Variants in GTPBP1 observed in about 807,000 individuals in gnomAD.
The protein encoded by GTPBP1 is GTP binding protein 1, also known as GTP-binding protein 1.
In GTPBP1, 23 loss-of-function variants were observed where a neutral mutation model predicts 62.0. That is an observed-to-expected ratio of 0.37 (90% confidence interval 0.27 to 0.53). The LOEUF (loss-of-function observed/expected upper bound fraction) is 0.53. Ranked by LOEUF, GTPBP1 falls within the 20% of genes least tolerant of loss-of-function variation. The pLI is 0.89. For synonymous variants in GTPBP1, 344 were observed against 364.4 expected (o/e 0.94, Z 0.64); for missense variants, 640 against 917.3 (o/e 0.70, Z 3.90).
At chr22:38,712,584 C>T (rs2092646026) in intron 2 of GTPBP1, among the ~76,000 whole-genome samples, 1 of 152,152 alleles carries the variant, frequency 6.6e-6, no homozygotes, top group Admixed American at 6.5e-5. Context: ...TCTGGCATGG[C>T]TGAGTATGTG....
downstream of GTPBP1, chr22:38,736,593 TTCA>T (rs200776270): frequency 3.6e-4 from 153 of 424,706 alleles, no homozygotes; most frequent in African/African-American, 2.8e-3. Context: ...TGTAGCACAC[TTCA>T]TCTGAAACCG....
At chr22:38,739,197 T>G, downstream of GTPBP1, 1 of 1,003,044 alleles carries the variant, frequency 1.0e-6, no homozygotes, top group East Asian at 2.6e-5. This position sits in a 1 kb window ranked among gnomAD's most constrained non-coding sequence, Gnocchi z 6.7. Flanking sequence ...AATTGCCACT[T>G]GCCTTTGTCA....
downstream of GTPBP1, among the ~76,000 whole-genome samples, chr22:38,737,532 C>T (rs1432018888): frequency 6.6e-6 from 1 of 152,170 alleles, no homozygotes; most frequent in Non-Finnish European, 1.5e-5. The surrounding 1 kb of genome is among the most constrained non-coding windows in gnomAD (Gnocchi z 4.1). Flanking sequence ...AAGCACAGCA[C>T]TGCCTCCCCC....
At chr22:38,715,395 G>A (rs2092663910) in intron 2 of GTPBP1, among the ~76,000 whole-genome samples, 1 of 152,140 alleles carries the variant, frequency 6.6e-6, no homozygotes, top group South Asian at 2.1e-4. Context: ...GATCTGCCAC[G>A]CCACGCTTTG....
At chr22:38,729,856 T>C (rs939496198) in intron 11 of GTPBP1, among the ~76,000 whole-genome samples, 194 bp downstream of exon 11, 1 of 152,222 alleles carries the variant, frequency 6.6e-6, no homozygotes, top group Non-Finnish European at 1.5e-5. Flanking sequence ...AATCAGGGAA[T>C]ACAGCCCACC....
At chr22:38,738,967 C>CGGGTGCTGATGACGCT (rs1299376555), downstream of GTPBP1, 1 of 1,612,784 alleles carries the variant, frequency 6.2e-7, no homozygotes, top group Non-Finnish European at 8.5e-7. The surrounding 1 kb of genome is among the most constrained non-coding windows in gnomAD (Gnocchi z 6.6). Context: ...CTCAGAACAT[C>CGGGTGCTGATGACGCT]GGGTGCTGAT....
downstream of GTPBP1, chr22:38,736,082 G>A (rs1014257610): frequency 1.5e-6 from 1 of 672,362 alleles, no homozygotes; most frequent in East Asian, 2.8e-5. Flanking sequence ...AGCTGCTGGA[G>A]CCTGCTAACC....
downstream of GTPBP1, chr22:38,742,671 C>T: frequency 7.3e-7 from 1 of 1,365,888 alleles, no homozygotes; most frequent in East Asian, 2.4e-5. Flanking sequence ...AGAGACGTTC[C>T]AGCATAAGGC....
chr22:38,736,616 C>T (rs1731242543), downstream of GTPBP1: 3 of 377,998 alleles, frequency 7.9e-6, no homozygotes, highest in Non-Finnish European at 1.4e-5. Flanking sequence ...GGAATGAATT[C>T]ATCCACAATC....
At chr22:38,742,833 CG>C, downstream of GTPBP1, 1 of 398,720 alleles carries the variant, frequency 2.5e-6, no homozygotes, top group Non-Finnish European at 4.6e-6. Context: ...GAAGGTGGGC[CG>C]GGGAGAAGGT....
At position 38,727,293 on chromosome 22, in the gene GTPBP1, C is replaced by T. The variant is rs768690159; in HGVS notation, c.1482C>T (p.Ala494=). Residue 494 remains alanine, a synonymous_variant, in exon 9 of 12, where the codon GCC becomes GCT. Transcript: ENST00000216044. The surrounding 1 kb of genome is among the most constrained non-coding windows in gnomAD (Gnocchi z 6.5). ...LNPQASWEFE[A]EILVLHHPTT... ...CCCAAGCCTCCTGGGAGTTTGAGGC[C>T]GAGATTCTCGTCCTCCACCACCCCA... The T allele has an allele frequency of 2.1e-5, 33 of 1,600,498 alleles. No individual in the cohort carries two copies. The highest frequency in any genetic ancestry group is 2.4e-5 in the Non-Finnish European group (28 of 1,173,356).
downstream of GTPBP1, chr22:38,734,325 C>A (rs1457550390): frequency 4.3e-5 from 20 of 465,476 alleles, no homozygotes; most frequent in Non-Finnish European, 8.4e-5. Flanking sequence ...CCTTCCCAGT[C>A]ACAGGTCCAA....
chr22:38,740,959 G>T (rs1402781053), downstream of GTPBP1: 2 of 1,556,464 alleles, frequency 1.3e-6, no homozygotes, highest in Admixed American at 1.9e-5. The surrounding 1 kb of genome is among the most constrained non-coding windows in gnomAD (Gnocchi z 4.8). Context: ...TGGAGAGTGG[G>T]TGGGGCTGGG....
chr22:38,730,159 C>T lies in GTPBP1; in HGVS notation c.1918-453C>T, dbSNP rs926935789. On this transcript the variant is annotated intron_variant, in intron 11 of 11. Transcript: ENST00000216044. The surrounding 1 kb of genome is among the most constrained non-coding windows in gnomAD (Gnocchi z 5.6). ...TCCTGCCAGCTGTCTCCCACAGGCACTCTCTCCTGGCGTGATGAAGGCCTG... is the reference window on the plus strand; with the variant it reads ...TCCTGCCAGCTGTCTCCCACAGGCATTCTCTCCTGGCGTGATGAAGGCCTG... Among the ~76,000 whole-genome samples, 2 of 152,202 alleles carry T rather than the reference C, an allele frequency of 1.3e-5. No homozygotes were observed. Among genetic ancestry groups the T allele is most frequent in the African/African-American group, 4.8e-5 (2 of 41,450 alleles).
In GTPBP1 at chr22:38,706,072, C is replaced by G; in HGVS notation, c.117C>G (p.His39Gln). 2 of 1,361,034 alleles carry G rather than the reference C, an allele frequency of 1.5e-6. No homozygotes were observed. Among genetic ancestry groups the G allele is most frequent in the Non-Finnish European group, 1.9e-6 (2 of 1,058,442 alleles). The allele number at this position is 1,361,034 out of a possible 1,614,324, so 84.3% of individuals were successfully genotyped here. A position where few individuals can be genotyped will look rare whatever the true frequency, so the allele number is the denominator to read the frequency against. ...CCGCGGCGGCCGCCGCCCGACTCCA[C>G]GGCGGCTTTGACTCGGACTGCAGCG... ...ARAAAAAARL[H>Q]GGFDSDCSED... The change falls in exon 1 of 12, where the codon CAC becomes CAG. Residue 39 changes from histidine to glutamine, a missense_variant. Transcript: ENST00000216044.
At chr22:38,724,452 C>T (rs776751206) in intron 6 of GTPBP1, 41 bp downstream of exon 6, 8 of 1,164,984 alleles carry the variant, frequency 6.9e-6, no homozygotes, top group South Asian at 6.1e-5. Context: ...GGCACCCTTG[C>T]AGGCAGGACC....
chr22:38,716,652 G>T lies in GTPBP1; in HGVS notation c.486G>T (p.Arg162Ser). ...RVGDNDFLEV[R>S]VAVVGNVDAG... ...GATGTATGGGTTCATCTACACGCAG[G>T]GTAGCAGTGGTGGGCAACGTGGATG... Residue 162 changes from arginine (R) to serine (S), a missense_variant and splice_region_variant, in exon 4 of 12, where the codon AGG becomes AGT. Arg to Ser is a moderately radical substitution (Grantham distance 110, BLOSUM62 -1). Transcript: ENST00000216044. The surrounding 1 kb of genome is among the most constrained non-coding windows in gnomAD (Gnocchi z 5.2). The T allele has an allele frequency of 6.2e-7, 1 of 1,608,998 alleles. No homozygotes were observed. The highest frequency in any genetic ancestry group is 8.5e-7 in the Non-Finnish European group (1 of 1,176,446).
downstream of GTPBP1, chr22:38,739,182 C>G (rs115128495): frequency 6.8e-4 from 626 of 923,082 alleles, 4 homozygotes; most frequent in African/African-American, 9.2e-3. This position sits in a 1 kb window ranked among gnomAD's most constrained non-coding sequence, Gnocchi z 6.7. Context: ...GTCCTGACTT[C>G]CCTGAATTGC....
At chr22:38,706,815 G>GTGA (rs2092607893) in intron 1 of GTPBP1, 1 of 152,264 alleles carries the variant, frequency 6.6e-6, no homozygotes, top group South Asian at 2.1e-4. Flanking sequence ...GAGTGGAGCA[G>GTGA]TGAAGGACGT....
Sources: gnomAD v4.1 joint callset for allele counts (sites outside exome capture counted in the v4.1 genomes callset) on GRCh38, gnomAD v4.1.1 for gene constraint, Gnocchi (gnomAD v3.1) non-coding constraint, MANE v1.5 for transcripts, NCBI Gene and HGNC (gene_info 2026-07-23, HGNC 2026-07-21) for gene names.